PHF19: variants seen among roughly 807,000 people sequenced by gnomAD.
The protein encoded by PHF19 is polycomb like 3.
Under a neutral mutation model 79.8 loss-of-function variants are expected in PHF19, and 21 were observed. The observed-to-expected ratio is 0.26, with a 90% confidence interval of 0.19 to 0.38. The LOEUF (loss-of-function observed/expected upper bound fraction) is 0.38, where lower values mean the gene tolerates loss of function less well. PHF19 is among the 10% of genes least tolerant of loss of function. PHF19 has a pLI of 1.00. For synonymous variants in PHF19, 273 were observed against 296.3 expected (o/e 0.92, Z 0.81); for missense variants, 445 against 744.2 (o/e 0.60, Z 4.68).
At chr9:120,872,063 A>AG (rs2045918308) in intron 3 of PHF19, among the ~76,000 whole-genome samples, 1 of 149,934 alleles carries the variant, frequency 6.7e-6, no homozygotes, top group East Asian at 1.9e-4. Flanking sequence ...AAAAAAAAAA[A>AG]AAAAAGAAAT....
Position 120,869,373 on chromosome 9 carries a change from G to GGTT in PHF19, c.466-44_466-43insAAC. 1 of 1,593,864 alleles carries GGTT rather than the reference G, an allele frequency of 6.3e-7. No homozygotes were observed. Among genetic ancestry groups the GGTT allele is most frequent in the South Asian group, 1.1e-5 (1 of 88,524 alleles). ...CCCCAGTCAACCACCAGGTCCGGGT[G>GGTT]GACCACGCGAGTCAGCACGCGGCTG... On this transcript the variant is annotated intron_variant, in intron 5 of 14. Coordinates refer to ENST00000373896, the MANE Select transcript of PHF19 (RefSeq NM_015651.3). This position sits in a 1 kb window ranked among gnomAD's most constrained non-coding sequence, Gnocchi z 5.8.
upstream of PHF19, among the ~76,000 whole-genome samples, chr9:120,881,993 T>G (rs557335825): frequency 6.6e-6 from 1 of 152,300 alleles, no homozygotes; most frequent in East Asian, 1.9e-4. Flanking sequence ...AACTCCTGAC[T>G]TCATGATCCA....
At position 120,877,108 on chromosome 9, in the gene PHF19, G is replaced by A; in HGVS notation, c.-33C>T. 1 of 985,220 alleles carries A rather than the reference G, an allele frequency of 1.0e-6. No homozygotes were observed. The highest frequency in any genetic ancestry group is 4.7e-5 in the South Asian group (1 of 21,296). 61.0% of individuals were successfully genotyped at this position (985,220 alleles called of 1,614,324 possible). ...GAACTCACCGCGAGGCTGCGTGTCC[G>A]CCGGTCCCACTTGGAGTCTGGCCAC... On this transcript the variant is annotated 5_prime_UTR_variant, in exon 1 of 15. Coordinates refer to ENST00000373896, the MANE Select transcript of PHF19 (RefSeq NM_015651.3).
chr9:120,867,809 C>T (rs1186160222), intron 6 of PHF19, among the ~76,000 whole-genome samples: 1 of 152,208 alleles, frequency 6.6e-6, no homozygotes, highest in Non-Finnish European at 1.5e-5. Context: ...TTCAGGACTT[C>T]AGGGGGTCCT....
At position 120,856,068 on chromosome 9, in the gene PHF19, C is replaced by A. The variant is rs1334689900; in HGVS notation, c.*1876G>T. On this transcript the variant is annotated 3_prime_UTR_variant, in exon 15 of 15. Coordinates refer to ENST00000373896, the MANE Select transcript of PHF19 (RefSeq NM_015651.3). The stretch of plus-strand genomic sequence containing the variant: ...AATTGGATCCCAGTTCCCACAGCAC[C>A]CCTGGGCTAGGGGTTGGCTTCTCAG... 1 of 152,638 alleles carries A rather than the reference C, an allele frequency of 6.6e-6. No homozygotes were observed. Among genetic ancestry groups the A allele is most frequent in the East Asian group, 1.9e-4 (1 of 5,194 alleles). 9.5% of individuals were successfully genotyped at this position (152,638 alleles called of 1,614,324 possible). A position where few individuals can be genotyped will look rare whatever the true frequency, so the allele number is the denominator to read the frequency against.
At chr9:120,876,383 G>C (rs1005149525) in intron 1 of PHF19, 2 of 151,972 alleles carry the variant, frequency 1.3e-5, no homozygotes, top group African/African-American at 4.8e-5. Flanking sequence ...CTCCCGCTGC[G>C]CCTCTAGGAG....
At chr9:120,865,901 G>A in intron 8 of PHF19, 71 bp from the exon 9 acceptor site, 1 of 1,609,240 alleles carries the variant, frequency 6.2e-7, no homozygotes, top group African/African-American at 1.3e-5. Flanking sequence ...CAGCTTTCTG[G>A]GTCCAGGCTG....
chr9:120,897,405 G>C (rs2046411491), upstream of PHF19, among the ~76,000 whole-genome samples: 1 of 152,216 alleles, frequency 6.6e-6, no homozygotes, highest in South Asian at 2.1e-4. Flanking sequence ...GTGTATGGGG[G>C]ATGATTCCTT....
intron 12 of PHF19, 58 bp downstream of exon 12, chr9:120,861,860 C>T: frequency 8.3e-7 from 1 of 1,200,268 alleles, no homozygotes. Context: ...GCACAGGAAG[C>T]CCTAATATGT....
At chr9:120,877,302 C>A, upstream of PHF19, 1 of 974,384 alleles carries the variant, frequency 1.0e-6, no homozygotes, top group Non-Finnish European at 1.2e-6. Context: ...GGAAGGGGCC[C>A]CCCGGGCGCG....
the PHF19 span, among the ~76,000 whole-genome samples, chr9:120,901,963 G>A: frequency 6.6e-6 from 1 of 152,198 alleles, no homozygotes; most frequent in Non-Finnish European, 1.5e-5. Context: ...CAAGGCAGAA[G>A]GGCCAGAACA....
chr9:120,896,484 C>T (rs2046403469), upstream of PHF19, among the ~76,000 whole-genome samples: 1 of 125,680 alleles, frequency 8.0e-6, no homozygotes, highest in Non-Finnish European at 1.6e-5. Context: ...CGGAGTTTCG[C>T]TCTGTCGCCC....
In PHF19 at chr9:120,869,094, C is replaced by A. The variant is rs920766410; in HGVS notation, c.614+88G>T. On this transcript the variant is annotated intron_variant, in intron 6 of 14. Transcript: ENST00000373896. This position sits in a 1 kb window ranked among gnomAD's most constrained non-coding sequence, Gnocchi z 5.8. ...CTCAAGGTCCCCGCCTTGGCTGACA[C>A]GCCAGGCTCGCTCCCTATGGGCGGT... The A allele has an allele frequency of 1.5e-5, 21 of 1,391,662 alleles. No individual in the cohort carries two copies. The highest frequency in any genetic ancestry group is 2.0e-5 in the Non-Finnish European group (21 of 1,043,414). The allele number at this position is 1,391,662 out of a possible 1,614,324, so 86.2% of individuals were successfully genotyped here.
At position 120,857,958 on chromosome 9, in the gene PHF19, T is replaced by C. The variant is rs1455915413; in HGVS notation, c.1729A>G (p.Thr577Ala). 1.3e-6 allele frequency: 2 copies of C among 1,596,988 alleles called. No individual in the cohort carries two copies. Among genetic ancestry groups the C allele is most frequent in the Admixed American group, 3.4e-5 (2 of 59,322 alleles). ...CCGGGGGCTAGTCAGTAAGGGGTGG[T>C]CCCTTCCCACTCCACCAGGTACTGA... ...KVQYLVEWEGTTPY is the reference protein window; with the variant it reads ...KVQYLVEWEGATPY Residue 577 changes from threonine (T) to alanine (A), a missense_variant, in exon 15 of 15, where the codon ACC (threonine) becomes GCC (alanine). Thr to Ala is a moderately conservative substitution (Grantham distance 58, BLOSUM62 0). Around this residue, in one of 5 missense-constraint regions of PHF19, gnomAD observed 20 missense variants for 47.6 expected, o/e 0.42. Transcript: ENST00000373896.
At chr9:120,902,328 T>A in the PHF19 span, 3 of 152,116 alleles carry the variant, frequency 2.0e-5, no homozygotes, top group South Asian at 6.2e-4. Flanking sequence ...AAACGGTGGC[T>A]TTGCCTGCAT....
At chr9:120,876,911 C>T (rs2046078202) in intron 1 of PHF19, 180 bp downstream of exon 1, 10 of 930,628 alleles carry the variant, frequency 1.1e-5, no homozygotes, top group Non-Finnish European at 1.3e-5. Context: ...CGGGTGGGGC[C>T]CCTCTGCCCC....
chr9:120,894,920 C>T (rs1259700385), upstream of PHF19: 8 of 604,870 alleles, frequency 1.3e-5, no homozygotes, highest in Non-Finnish European at 1.9e-5. Context: ...GAGTCGACTC[C>T]TTAAATAACC....
In PHF19 at chr9:120,870,026, G is replaced by A. The variant is rs2045848903; in HGVS notation, c.365-81C>T. The A allele has an allele frequency of 9.9e-6, 15 of 1,516,730 alleles. No homozygotes were observed. In the South Asian group the frequency reaches 1.9e-4, roughly 19 times the overall value. 94.0% of individuals were successfully genotyped at this position (1,516,730 alleles called of 1,614,324 possible). Reference sequence around the variant, plus strand: ...GTTGGCCCAAAGGAGGCAGGGCTGGGAGGGCTGAGGGAAGTCCTAGGAGCT... The same window carrying A: ...GTTGGCCCAAAGGAGGCAGGGCTGGAAGGGCTGAGGGAAGTCCTAGGAGCT... On this transcript the variant is annotated intron_variant, in intron 4 of 14. Transcript: ENST00000373896. The surrounding 1 kb of genome is among the most constrained non-coding windows in gnomAD (Gnocchi z 4.4).
At chr9:120,872,958 A>G (rs2045947797) in intron 3 of PHF19, among the ~76,000 whole-genome samples, 1 of 152,282 alleles carries the variant, frequency 6.6e-6, no homozygotes, top group East Asian at 1.9e-4. Context: ...CTCTAAAACC[A>G]ATAGTACTGA....
Sources: gnomAD v4.1 joint callset for allele counts (sites outside exome capture counted in the v4.1 genomes callset) on GRCh38, gnomAD v4.1.1 for gene constraint, gnomAD v4.1.1 regional missense constraint, Gnocchi (gnomAD v3.1) non-coding constraint, MANE v1.5 for transcripts, NCBI Gene and HGNC (gene_info 2026-07-23, HGNC 2026-07-21) for gene names.